GIT1: variants seen among roughly 807,000 people sequenced by gnomAD.
GIT1 encodes the protein GIT ArfGAP 1, also known as ARF GTPase-activating protein GIT1.
GIT1 carries 14 observed loss-of-function variants against 91.7 expected under a neutral mutation model. The observed-to-expected ratio is 0.15, with a 90% CI of 0.10 to 0.24. The LOEUF is 0.24. Ranked by LOEUF, GIT1 falls within the 10% of genes least tolerant of loss-of-function variation. The probability of loss-of-function intolerance (pLI) is 1.00; values close to 1 mark genes in which losing one functional copy is unlikely to be tolerated. For synonymous variants in GIT1, 414 were observed against 418.2 expected (o/e 0.99, Z 0.12); for missense variants, 717 against 1,024.9 (o/e 0.70, Z 4.10).
At position 29,582,117 on chromosome 17, in the gene GIT1, T is replaced by C; in HGVS notation, c.433A>G (p.Asn145Asp). 1 of 1,593,948 alleles carries C rather than the reference T, an allele frequency of 6.3e-7. No homozygotes were observed. The highest frequency in any genetic ancestry group is 8.5e-7 in the Non-Finnish European group (1 of 1,176,390). ...AGCAGGCGCAGACATGTCTCCAGGT[T>C]GCCTGTCCGCACGCTCGAGTGTAGT... ...KQLHSSVRTG[N>D]LETCLRLLSL... Residue 145 changes from asparagine (N) to aspartate (D), a missense_variant, in exon 5 of 20, where the codon AAC becomes GAC. By Grantham distance (23) the Asn-to-Asp change is conservative. Coordinates refer to ENST00000225394, the MANE Select transcript of GIT1 (RefSeq NM_014030.4).
rs769775991 is a variant in GIT1, at chr17:29,575,864, A to G, written c.1700T>C (p.Phe567Ser). The change falls in exon 16 of 20, where the codon TTC (phenylalanine) becomes TCC (serine). Residue 567 changes from phenylalanine (F) to serine (S), a missense_variant. Coordinates refer to ENST00000225394, the MANE Select transcript of GIT1 (RefSeq NM_014030.4). The surrounding 1 kb of genome is among the most constrained non-coding windows in gnomAD (Gnocchi z 5.5). ...GGACAGCAGCGGGGAGGAGGGAGTG[A>G]AGGGCACAGCTGAGGCAGACACCCC... Reference protein sequence around the residue: ...RKGVSASAVPFTPSSPLLSCS... With the variant: ...RKGVSASAVPSTPSSPLLSCS... The G allele has an allele frequency of 4.3e-6, 7 of 1,611,640 alleles. No individual in the cohort carries two copies. The highest frequency in any genetic ancestry group is 5.9e-6 in the Non-Finnish European group (7 of 1,178,986).
In GIT1 at chr17:29,587,677, A is replaced by T. The variant is rs191642675; in HGVS notation, c.52+1650T>A. Among the ~76,000 whole-genome samples the T allele has an allele frequency of 3.2e-3, 481 of 152,234 alleles. 3 individuals are homozygous for T. Among genetic ancestry groups the T allele is most frequent in the Middle Eastern group, 0.01 (3 of 294 alleles). On this transcript the variant is annotated intron_variant, in intron 1 of 19. Transcript: ENST00000225394. ...ACAGATTCGGAGATGGCAGCCCCCC[A>T]AAAACCATTTCTACTCCAACTTCTT...
intron 3 of GIT1, 36 bp downstream of exon 3, chr17:29,582,889 G>A (rs377746173): frequency 1.3e-5 from 20 of 1,554,028 alleles, no homozygotes; most frequent in African/African-American, 5.4e-5. Flanking sequence ...CCCGGACTGC[G>A]CAGTCTCTGC....
chr17:29,583,653 T>C, intron 1 of GIT1, 37 bp from the exon 2 acceptor site: 1 of 1,544,970 alleles, frequency 6.5e-7, no homozygotes, highest in Non-Finnish European at 8.7e-7. Flanking sequence ...CGGAGCCAGA[T>C]GATGGGCCAG....
chr17:29,583,627 G>A lies in GIT1; in HGVS notation c.53-11C>T. ...ATGCCCAGCCAGGGTCTGCCAGGGT[G>A]AGGGCAAGGGTCAGCCGGAGCCAGA... On this transcript the variant is annotated splice_polypyrimidine_tract_variant and intron_variant, in intron 1 of 19. Coordinates refer to ENST00000225394, the MANE Select transcript of GIT1 (RefSeq NM_014030.4). The A allele has an allele frequency of 6.4e-7, 1 of 1,574,756 alleles. No individual in the cohort carries two copies. The highest frequency in any genetic ancestry group is 1.2e-5 in the South Asian group (1 of 86,564).
rs147472656 is a variant in GIT1 at position 29,577,407 on chromosome 17, C to T, written c.982-160G>A. Among the ~76,000 whole-genome samples the T allele has an allele frequency of 1.4e-3, 209 of 152,280 alleles. No individual in the cohort carries two copies. The highest frequency in any genetic ancestry group is 3.2e-3 in the African/African-American group (133 of 41,552). On this transcript the variant is annotated intron_variant, in intron 10 of 19. Transcript: ENST00000225394. ...TGGCTAGTCAGCAGCCAAGGCCACC[C>T]GTGGCAGGGTATGATAGAGTAGGGT...
At chr17:29,576,169 T>C (rs1181493989) in intron 14 of GIT1, 38 bp from the exon 15 acceptor site, 1 of 1,610,960 alleles carries the variant, frequency 6.2e-7, no homozygotes, top group African/African-American at 1.3e-5. Flanking sequence ...TGGTGGACCC[T>C]GCGGCAGCCC....
Position 29,576,256 on chromosome 17 carries a change from G to A in GIT1, c.1575C>T (p.Asp525=), listed in dbSNP as rs756882242. ...ALKPFGGPPG[D]ELTTRLQPFH... ...AAGGCTGCAGCCGCGTAGTGAGCTC[G>A]TCCCCAGGGGGGCCCCCAAAGGGCT... The change falls in exon 14 of 20, where the codon GAC becomes GAT. Residue 525 remains aspartate, a synonymous_variant. Transcript: ENST00000225394. 2.1e-5 allele frequency: 34 copies of A among 1,609,418 alleles called. No individual in the cohort carries two copies. The highest frequency in any genetic ancestry group is 5.0e-5 in the Admixed American group (3 of 59,938).
chr17:29,583,604 G>A lies in GIT1; in HGVS notation c.65C>T (p.Ala22Val), dbSNP rs1218809824. 1.3e-6 allele frequency: 2 copies of A among 1,594,486 alleles called. No homozygotes were observed. Among genetic ancestry groups the A allele is most frequent in the Non-Finnish European group, 8.5e-7 (1 of 1,172,028 alleles). Residue 22 changes from alanine to valine, a missense_variant, in exon 2 of 20, where the codon GCA (alanine) becomes GTA (valine). By Grantham distance (64) the Ala-to-Val change is moderately conservative (BLOSUM62 0). Around this residue, in one of 3 missense-constraint regions of GIT1, gnomAD observed 271 missense variants for 451.6 expected, o/e 0.60. Transcript: ENST00000225394. ...ADCSAPDPGW[A>V]SISRGVLVCD... Reference sequence around the variant, plus strand: ...CACCAGCACACCCCTGCTGATGGATGCCCAGCCAGGGTCTGCCAGGGTGAG... The same window carrying A: ...CACCAGCACACCCCTGCTGATGGATACCCAGCCAGGGTCTGCCAGGGTGAG...
rs753186540 is a variant in GIT1, at chr17:29,582,955, C to T, written c.269G>A (p.Arg90Gln). The T allele has an allele frequency of 6.2e-6, 10 of 1,612,036 alleles. No individual in the cohort carries two copies. Among genetic ancestry groups the T allele is most frequent in the East Asian group, 2.2e-5 (1 of 44,878 alleles). Reference sequence around the variant, plus strand: ...TTTGTCTTGGGGGTTGGCTTTACGCCGGCCGCTCTGCACTTGTGCGGGGTC... The same window carrying T: ...TTTGTCTTGGGGGTTGGCTTTACGCTGGCCGCTCTGCACTTGTGCGGGGTC... ...LLDPAQVQSG[R>Q]RKANPQDKVH... The change falls in exon 3 of 20, where the codon CGG becomes CAG. Residue 90 changes from arginine (R) to glutamine (Q), a missense_variant. Arg to Gln is a conservative substitution (Grantham distance 43). This residue lies in a region of GIT1 where 271 missense variants were observed against 451.6 expected (regional missense o/e 0.60). Coordinates refer to ENST00000225394, the MANE Select transcript of GIT1 (RefSeq NM_014030.4).
intron 10 of GIT1, 102 bp from the exon 11 acceptor site, chr17:29,577,349 A>C (rs1598567637): frequency 1.1e-6 from 1 of 921,162 alleles, no homozygotes; most frequent in Non-Finnish European, 1.7e-6. Flanking sequence ...ATTTAATTTA[A>C]CCCCAGCTAA....
rs1403460266 is a variant in GIT1 at position 29,574,893 on chromosome 17, G to A, written c.2095C>T (p.Arg699Trp). The change falls in exon 20 of 20, where the codon CGG (arginine) becomes TGG (tryptophan). Residue 699 changes from arginine (R) to tryptophan (W), a missense_variant. By Grantham distance (101) the Arg-to-Trp change is moderately radical. Around this residue, in one of 3 missense-constraint regions of GIT1, gnomAD observed 134 missense variants for 223.8 expected, o/e 0.60. Coordinates refer to ENST00000225394, the MANE Select transcript of GIT1 (RefSeq NM_014030.4). ...FPKRPALEPVRSSLRLLNASA... is the reference protein window; with the variant it reads ...FPKRPALEPVWSSLRLLNASA... Reference sequence around the variant, plus strand: ...GCGTTGAGCAGCCGCAGTGAGCTCCGCACTGGCTCCAGGGCTGGCCTCTGG... The same window carrying A: ...GCGTTGAGCAGCCGCAGTGAGCTCCACACTGGCTCCAGGGCTGGCCTCTGG... 11 of 1,570,454 alleles carry A rather than the reference G, an allele frequency of 7.0e-6. No individual in the cohort carries two copies. Among genetic ancestry groups the A allele is most frequent in the East Asian group, 2.3e-5 (1 of 42,746 alleles).
At chr17:29,583,175 C>T (rs1465371868) in intron 2 of GIT1, 138 bp from the exon 3 acceptor site, 7 of 663,722 alleles carry the variant, frequency 1.1e-5, no homozygotes, top group Admixed American at 8.6e-5. Context: ...CACCACCACA[C>T]CTCCATCTAG....
In GIT1 at chr17:29,576,946, C is replaced by T; in HGVS notation, c.1144G>A (p.Asp382Asn). 6.3e-7 allele frequency: 1 copy of T among 1,597,250 alleles called. No individual in the cohort carries two copies. Among genetic ancestry groups the T allele is most frequent in the Non-Finnish European group, 8.5e-7 (1 of 1,176,152 alleles). The change falls in exon 12 of 20, where the codon GAC (aspartate) becomes AAC (asparagine). Residue 382 changes from aspartate (D) to asparagine (N), a missense_variant. Coordinates refer to ENST00000225394, the MANE Select transcript of GIT1 (RefSeq NM_014030.4). ...TCGTCAGAGGCCACGCTGTCGTAGT[C>T]GTGTTGGTCGTCGAGGTCACTCTGG... Reference protein sequence around the residue: ...RSQSDLDDQHDYDSVASDEDT... With the variant: ...RSQSDLDDQHNYDSVASDEDT...
Position 29,582,096 on chromosome 17 carries a change from G to A in GIT1, c.454C>T (p.Leu152=). ...TTGGCCTGGGCACCCAGGGAGAGCAGGCGCAGACATGTCTCCAGGTTGCCT... is the reference window on the plus strand; with the variant it reads ...TTGGCCTGGGCACCCAGGGAGAGCAAGCGCAGACATGTCTCCAGGTTGCCT... ...RTGNLETCLR[L]LSLGAQANFF... Residue 152 remains leucine (L), a synonymous_variant, in exon 5 of 20, where the codon CTG becomes TTG. Transcript: ENST00000225394. The A allele has an allele frequency of 6.2e-7, 1 of 1,602,900 alleles. No homozygotes were observed. Among genetic ancestry groups the A allele is most frequent in the Non-Finnish European group, 8.5e-7 (1 of 1,179,074 alleles).
In GIT1 at chr17:29,581,323, C is replaced by A. The variant is rs775331386; in HGVS notation, c.761+15G>T. On this transcript the variant is annotated intron_variant, in intron 7 of 19. Coordinates refer to ENST00000225394, the MANE Select transcript of GIT1 (RefSeq NM_014030.4). This position sits in a 1 kb window ranked among gnomAD's most constrained non-coding sequence, Gnocchi z 4.8. ...TCCAACAGCCTCTGGAAAGGGGCAT[C>A]AGGTGGGCACTCACCTGTCAGCCAT... The A allele has an allele frequency of 6.2e-7, 1 of 1,603,088 alleles. No individual in the cohort carries two copies. The highest frequency in any genetic ancestry group is 8.5e-7 in the Non-Finnish European group (1 of 1,170,334).
At chr17:29,588,190 C>A (rs2033661519) in intron 1 of GIT1, among the ~76,000 whole-genome samples, 1 of 152,208 alleles carries the variant, frequency 6.6e-6, no homozygotes, top group African/African-American at 2.4e-5. Context: ...CAAACCAGCA[C>A]CCCATACTCT....
intron 1 of GIT1, among the ~76,000 whole-genome samples, chr17:29,585,298 A>C (rs1341801908): frequency 6.6e-6 from 1 of 152,102 alleles, no homozygotes; most frequent in Non-Finnish European, 1.5e-5. Flanking sequence ...GGAAGCCGGA[A>C]ATGATGCAGC....
intron 10 of GIT1, 91 bp downstream of exon 10, chr17:29,577,554 A>G: frequency 1.2e-6 from 1 of 863,702 alleles, no homozygotes; most frequent in Non-Finnish European, 2.0e-6. Context: ...CAAATGCTGG[A>G]GAGCTGGCTC....
Sources: gnomAD v4.1 joint callset for allele counts (sites outside exome capture counted in the v4.1 genomes callset) on GRCh38, gnomAD v4.1.1 for gene constraint, gnomAD v4.1.1 regional missense constraint, Gnocchi (gnomAD v3.1) non-coding constraint, MANE v1.5 for transcripts, NCBI Gene and HGNC (gene_info 2026-07-23, HGNC 2026-07-21) for gene names.